Variants in MYRIP observed in about 807,000 individuals in gnomAD.
The protein encoded by MYRIP is myosin VIIA and Rab interacting protein.
A neutral mutation model predicts 98.0 loss-of-function variants in MYRIP; 49 were observed. The observed-to-expected ratio is 0.50, with a 90% confidence interval of 0.40 to 0.63. MYRIP has a LOEUF of 0.63. Ranked by LOEUF, MYRIP falls within the 30% of genes least tolerant of loss-of-function variation. The probability of loss-of-function intolerance (pLI) is 0.00; values close to 1 mark genes in which losing one functional copy is unlikely to be tolerated. For synonymous variants in MYRIP, 404 were observed against 409.5 expected (o/e 0.99, Z 0.16); for missense variants, 1,004 against 1,058.2 (o/e 0.95, Z 0.71).
At chr3:40,155,606 C>T (rs1166332863) in intron 4 of MYRIP, among the ~76,000 whole-genome samples, 8 of 150,636 alleles carry the variant, frequency 5.3e-5, no homozygotes, top group Non-Finnish European at 1.0e-4. Context: ...ACAGTCCCAC[C>T]AACAGTGTAA....
intron 2 of MYRIP, among the ~76,000 whole-genome samples, chr3:39,993,494 A>T (rs1005107666): frequency 6.6e-6 from 1 of 152,178 alleles, no homozygotes; most frequent in African/African-American, 2.4e-5. Context: ...CTGAGTATGT[A>T]TGGAGGAAAA....
intron 3 of MYRIP, among the ~76,000 whole-genome samples, chr3:40,060,763 G>C (rs1368649346): frequency 6.6e-6 from 1 of 151,686 alleles, no homozygotes; most frequent in Non-Finnish European, 1.5e-5. Context: ...AGCTAATTTT[G>C]TGTGTTTTTA....
At position 39,815,563 on chromosome 3, in the gene MYRIP, T is replaced by G. The variant is rs544035783; in HGVS notation, c.-31+5647T>G. On this transcript the variant is annotated intron_variant, in intron 1 of 16. Coordinates refer to ENST00000302541, the MANE Select transcript of MYRIP (RefSeq NM_015460.4). ...TTGCCAGTATATAGTAAGGGGGCTG[T>G]TTTTTTGTATTCTAATTTTCTATTT... is the stretch of plus-strand genomic sequence containing the variant. Among the ~76,000 whole-genome samples the G allele has an allele frequency of 5.3e-5, 8 of 152,268 alleles. No homozygotes were observed. The East Asian group carries it at 1.5e-3, about 29-fold the overall frequency.
chr3:39,928,662 T>C lies in MYRIP; in HGVS notation c.110+27736T>C, dbSNP rs565036812. ...TGAAAAAAATTATCAAAAAAAAAAATAGGAATAGAGGTAACTTCCTCAACT... is the reference window on the plus strand; with the variant it reads ...TGAAAAAAATTATCAAAAAAAAAAACAGGAATAGAGGTAACTTCCTCAACT... On this transcript the variant is annotated intron_variant, in intron 2 of 16. Transcript: ENST00000302541. Among the ~76,000 whole-genome samples, 952 of 131,670 alleles carry C rather than the reference T, an allele frequency of 7.2e-3. 4 individuals are homozygous for C. Among genetic ancestry groups the C allele is most frequent in the African/African-American group, 0.024 (864 of 35,568 alleles). 86.4% of individuals were successfully genotyped at this position (131,670 alleles called of 152,430 possible). A position where few individuals can be genotyped will look rare whatever the true frequency, so the allele number is the denominator to read the frequency against.
chr3:40,211,086 C>G lies in MYRIP; in HGVS notation c.1905+993C>G, dbSNP rs1284829098. On this transcript the variant is annotated intron_variant, in intron 11 of 16. Transcript: ENST00000302541. The stretch of plus-strand genomic sequence containing the variant: ...CATTTTTGCAGAAGAGGAAACTGAA[C>G]CTGAGTCATTGAGGTCCTTACCCAG... 3.9e-5 allele frequency among the ~76,000 whole-genome samples: 6 copies of G among 152,208 alleles called. No individual in the cohort carries two copies. The East Asian group carries it at 9.7e-4, about 24-fold the overall frequency.
intron 1 of MYRIP, among the ~76,000 whole-genome samples, chr3:39,839,778 G>A (rs765353433): frequency 2.0e-5 from 3 of 152,178 alleles, no homozygotes; most frequent in Middle Eastern, 3.4e-3. Context: ...TGTTTTTCAT[G>A]TGTATTTTGA....
intron 12 of MYRIP, among the ~76,000 whole-genome samples, chr3:40,235,280 G>A (rs760740017): frequency 3.9e-5 from 6 of 152,114 alleles, no homozygotes; most frequent in Non-Finnish European, 7.4e-5. Context: ...TGCCAATCAA[G>A]AGGAAAATGC....
chr3:39,827,540 T>G (rs1156890379), intron 1 of MYRIP, among the ~76,000 whole-genome samples: 1 of 152,204 alleles, frequency 6.6e-6, no homozygotes, highest in Admixed American at 6.5e-5. Context: ...GTTTTCTTGA[T>G]TGTTTTGTAT....
chr3:39,830,642 C>T (rs1053111459), intron 1 of MYRIP, among the ~76,000 whole-genome samples: 5 of 152,156 alleles, frequency 3.3e-5, no homozygotes, highest in Admixed American at 1.3e-4. Context: ...TGGAGCCCAC[C>T]TTCTTCAAAT....
intron 2 of MYRIP, among the ~76,000 whole-genome samples, chr3:39,960,297 C>T (rs1945290217): frequency 6.6e-6 from 1 of 152,096 alleles, no homozygotes; most frequent in Non-Finnish European, 1.5e-5. Context: ...TCCCCAAAGC[C>T]CATCATATCC....
At chr3:40,163,761 A>C (rs1277616437) in intron 5 of MYRIP, among the ~76,000 whole-genome samples, 2 of 152,230 alleles carry the variant, frequency 1.3e-5, no homozygotes, top group East Asian at 3.9e-4. Flanking sequence ...ACAGTATATC[A>C]TGGAACTTCT....
At chr3:40,142,116 G>A (rs527916581) in intron 3 of MYRIP, among the ~76,000 whole-genome samples, 7 of 138,880 alleles carry the variant, frequency 5.0e-5, no homozygotes, top group Admixed American at 1.6e-4. Flanking sequence ...GCAATGGCTC[G>A]ATCTCTGCTC....
intron 1 of MYRIP, among the ~76,000 whole-genome samples, chr3:39,877,245 A>G (rs886471810): frequency 1.3e-5 from 2 of 152,062 alleles, no homozygotes; most frequent in African/African-American, 4.8e-5. Flanking sequence ...ACATTCTTCT[A>G]AATTTTTTTC....
intron 2 of MYRIP, among the ~76,000 whole-genome samples, chr3:39,902,876 T>A (rs553989184): frequency 6.6e-6 from 1 of 152,306 alleles, no homozygotes; most frequent in South Asian, 2.1e-4. Flanking sequence ...GGGCACCGTC[T>A]ATCTCATGAG....
intron 2 of MYRIP, among the ~76,000 whole-genome samples, chr3:39,995,873 G>A (rs559252649): frequency 4.6e-5 from 7 of 152,266 alleles, no homozygotes; most frequent in East Asian, 1.9e-4. Context: ...GAGAGTGGGG[G>A]CCAATATTCA....
At chr3:39,871,106 A>G (rs940657872) in intron 1 of MYRIP, among the ~76,000 whole-genome samples, 2 of 152,210 alleles carry the variant, frequency 1.3e-5, no homozygotes, top group Non-Finnish European at 2.9e-5. Context: ...CTGTAGCTGC[A>G]TCCTATGCTA....
intron 1 of MYRIP, among the ~76,000 whole-genome samples, chr3:39,862,835 A>C (rs1023077502): frequency 6.6e-6 from 1 of 152,188 alleles, no homozygotes; most frequent in African/African-American, 2.4e-5. Context: ...CAGAATATCC[A>C]TCCATTCTTT....
chr3:39,983,856 A>G (rs1210524175), intron 2 of MYRIP, among the ~76,000 whole-genome samples: 1 of 152,212 alleles, frequency 6.6e-6, no homozygotes, highest in African/African-American at 2.4e-5. Flanking sequence ...AATTTAATCT[A>G]AAATTAGGTG....
chr3:40,189,364 T>G (rs1559442378), intron 9 of MYRIP, among the ~76,000 whole-genome samples: 1 of 152,170 alleles, frequency 6.6e-6, no homozygotes, highest in Non-Finnish European at 1.5e-5. Flanking sequence ...AGAGCAGATG[T>G]GTTAACCTCT....
Sources: allele counts gnomAD v4.1 joint callset (sites outside exome capture counted in the v4.1 genomes callset), GRCh38; gene constraint gnomAD v4.1.1; transcripts MANE v1.5; gene names NCBI Gene and HGNC (gene_info 2026-07-23, HGNC 2026-07-21).